Variants in DIP2B observed in about 807,000 individuals in gnomAD.
DIP2B encodes disco-interacting protein 2 homolog B.
DIP2B carries 76 observed loss-of-function variants against 198.0 expected under a neutral mutation model. The observed-to-expected ratio is 0.38, with a 90% CI of 0.32 to 0.46. DIP2B has a LOEUF of 0.46. Ranked by LOEUF, DIP2B falls within the 20% of genes least tolerant of loss-of-function variation. The pLI, the probability that DIP2B is intolerant of heterozygous loss-of-function variation, is 0.99. For missense variants in DIP2B, 1,559 were observed against 1,978.4 expected (o/e 0.79, Z 4.02); for synonymous variants, 701 against 739.1 (o/e 0.95, Z 0.84).
chr12:50,737,455 G>A (rs1940157579), intron 35 of DIP2B, among the ~76,000 whole-genome samples: 1 of 151,986 alleles, frequency 6.6e-6, no homozygotes, highest in Admixed American at 6.6e-5. Context: ...ATGTTATATT[G>A]TATTCTAAAA....
intron 4 of DIP2B, among the ~76,000 whole-genome samples, chr12:50,668,766 C>T (rs992091547): frequency 6.6e-6 from 1 of 152,088 alleles, no homozygotes; most frequent in African/African-American, 2.4e-5. Flanking sequence ...GTCAAATTCA[C>T]CTATCCTAGG....
intron 2 of DIP2B, among the ~76,000 whole-genome samples, chr12:50,637,678 A>T (rs1253554988): frequency 6.6e-6 from 1 of 152,202 alleles, no homozygotes; most frequent in Non-Finnish European, 1.5e-5. Flanking sequence ...AACAGTAGGC[A>T]TGTCTGCTCT....
At chr12:50,571,093 G>T (rs1358583649) in intron 1 of DIP2B, among the ~76,000 whole-genome samples, 1 of 151,972 alleles carries the variant, frequency 6.6e-6, no homozygotes, top group Admixed American at 6.5e-5. Context: ...AAATGCCATC[G>T]CAATGTAGTG....
At chr12:50,703,874 TG>T (rs1360540858) in intron 19 of DIP2B, among the ~76,000 whole-genome samples, 2 of 149,290 alleles carry the variant, frequency 1.3e-5, no homozygotes, top group African/African-American at 4.9e-5. Flanking sequence ...AATATCTGTT[TG>T]AAAAAAAAAA....
intron 32 of DIP2B, among the ~76,000 whole-genome samples, chr12:50,733,368 C>A (rs958231010): frequency 1.3e-5 from 2 of 150,930 alleles, no homozygotes; most frequent in Admixed American, 6.6e-5. Context: ...AGAACTGAGA[C>A]TAATTTTATG....
chr12:50,701,441 G>A (rs1350117649), intron 19 of DIP2B, among the ~76,000 whole-genome samples: 1 of 152,190 alleles, frequency 6.6e-6, no homozygotes, highest in African/African-American at 2.4e-5. Context: ...GAGTGCAGTG[G>A]TGCAATCTCG....
intron 16 of DIP2B, among the ~76,000 whole-genome samples, chr12:50,696,498 C>T (rs533878833): frequency 1.3e-5 from 2 of 152,294 alleles, no homozygotes; most frequent in South Asian, 2.1e-4. Context: ...TGTATAACCT[C>T]TTTCTATCAT....
At chr12:50,512,045 C>CA (rs1958022257) in intron 1 of DIP2B, among the ~76,000 whole-genome samples, 1 of 151,012 alleles carries the variant, frequency 6.6e-6, no homozygotes. Flanking sequence ...TTGGCTCCCC[C>CA]AAAGTGCTGA....
intron 2 of DIP2B, chr12:50,633,391 G>T (rs1938099113): frequency 6.6e-6 from 1 of 152,152 alleles, no homozygotes; most frequent in African/African-American, 2.4e-5. Context: ...CATTAGACCT[G>T]AGTAACATGT....
At chr12:50,633,538 G>A (rs1304653235) in intron 2 of DIP2B, among the ~76,000 whole-genome samples, 6 of 152,186 alleles carry the variant, frequency 3.9e-5, no homozygotes, top group Non-Finnish European at 7.4e-5. Flanking sequence ...CAGCACTTTG[G>A]TTGGCTGAGG....
At chr12:50,534,433 C>T (rs1045279142) in intron 1 of DIP2B, among the ~76,000 whole-genome samples, 3 of 131,342 alleles carry the variant, frequency 2.3e-5, no homozygotes, top group Admixed American at 9.2e-5. Flanking sequence ...AGTGTAGTAG[C>T]GCAATCTCGG....
intron 3 of DIP2B, among the ~76,000 whole-genome samples, chr12:50,642,283 A>G (rs1439585947): frequency 6.6e-6 from 1 of 152,192 alleles, no homozygotes; most frequent in East Asian, 1.9e-4. Context: ...CAAGGGTCAG[A>G]AAGAGGTGGG....
chr12:50,553,627 CT>C lies in DIP2B; in HGVS notation c.100+48391del, dbSNP rs548630662. On this transcript the variant is annotated intron_variant, in intron 1 of 37. Coordinates refer to ENST00000301180, the MANE Select transcript of DIP2B (RefSeq NM_173602.3). ...ATTGTTTAGTCTCCCTAAAAGAGGA[CT>C]TTTGGTTCATTTGTGTTTTTCCTTT... Among the ~76,000 whole-genome samples the C allele has an allele frequency of 3.2e-3, 489 of 152,182 alleles. 2 individuals are homozygous for C. The highest frequency in any genetic ancestry group is 0.011 in the African/African-American group (470 of 41,524).
Position 50,744,848 on chromosome 12 carries a change from G to T in DIP2B, c.*9G>T, listed in dbSNP as rs772895442. The stretch of plus-strand genomic sequence containing the variant: ...TGGCTTATAACATGTAACCAGCCTT[G>T]TGGGGACTGCAGTGGGCCATTCTGA... On this transcript the variant is annotated 3_prime_UTR_variant, in exon 38 of 38. Transcript: ENST00000301180. The T allele has an allele frequency of 6.2e-7, 1 of 1,613,520 alleles. No homozygotes were observed. Among genetic ancestry groups the T allele is most frequent in the Non-Finnish European group, 8.5e-7 (1 of 1,179,594 alleles).
Position 50,731,347 on chromosome 12 carries a change from GCTCTTGT to G in DIP2B, c.3642-16_3642-10del. ...TATCCAGGATGAATTGATGATTCCA[GCTCTTGT>G]CTCTTTCACTGCAGTGTCTATTCAG... is the stretch of plus-strand genomic sequence containing the variant. On this transcript the variant is annotated splice_polypyrimidine_tract_variant and intron_variant, in intron 30 of 37. Transcript: ENST00000301180. 1.2e-6 allele frequency: 2 copies of G among 1,608,640 alleles called. No individual in the cohort carries two copies. Among genetic ancestry groups the G allele is most frequent in the Non-Finnish European group, 1.7e-6 (2 of 1,177,138 alleles).
chr12:50,731,243 T>C, intron 30 of DIP2B, 126 bp from the exon 31 acceptor site: 2 of 1,165,814 alleles, frequency 1.7e-6, no homozygotes, highest in Non-Finnish European at 2.4e-6. Flanking sequence ...TTCTTAGAGC[T>C]TTATATCTCA....
At chr12:50,716,904 G>T (rs79948534) in intron 23 of DIP2B, among the ~76,000 whole-genome samples, 567 of 144,800 alleles carry the variant, frequency 3.9e-3, no homozygotes, top group African/African-American at 0.014. Context: ...AAAGTTAGAC[G>T]AATAGTATAG....
chr12:50,691,087 A>G lies in DIP2B; in HGVS notation c.1590A>G (p.Thr530=). The G allele has an allele frequency of 6.2e-7, 1 of 1,614,094 alleles. No individual in the cohort carries two copies. Among genetic ancestry groups the G allele is most frequent in the South Asian group, 1.1e-5 (1 of 91,082 alleles). ...AAGAAGGGAGTGTAATGGGAGTTAC[A>G]GTATCCCGGCTTGCAATGTTGTCTC... ...TSKEGSVMGV[T]VSRLAMLSHC... Residue 530 remains threonine, a synonymous_variant, in exon 13 of 38, where the codon ACA becomes ACG. Transcript: ENST00000301180.
intron 1 of DIP2B, among the ~76,000 whole-genome samples, chr12:50,568,741 G>GGA (rs1565827532): frequency 6.6e-6 from 1 of 152,160 alleles, no homozygotes; most frequent in South Asian, 2.1e-4. Flanking sequence ...AATCTGGGAA[G>GGA]GAGAGAGGCT....
Sources: gnomAD v4.1 joint callset for allele counts (sites outside exome capture counted in the v4.1 genomes callset) on GRCh38, gnomAD v4.1.1 for gene constraint, MANE v1.5 for transcripts, NCBI Gene and HGNC (gene_info 2026-07-23, HGNC 2026-07-21) for gene names.